The following RNGTT variants were observed in gnomAD, a reference collection of about 807,000 sequenced individuals.
RNGTT encodes the protein RNA guanylyltransferase and 5'-phosphatase.
RNGTT carries 33 observed loss-of-function variants against 79.3 expected under a neutral mutation model. The observed-to-expected ratio is 0.42, with a 90% CI of 0.32 to 0.56. RNGTT has a LOEUF of 0.56. Ranked by LOEUF, RNGTT falls within the 20% of genes least tolerant of loss-of-function variation. The pLI is 0.17. For synonymous variants in RNGTT, 222 were observed against 235.9 expected, an observed-to-expected ratio of 0.94 and a Z score of 0.54; for missense variants, 497 against 739.1, an observed-to-expected ratio of 0.67 and a Z score of 3.80.
chr6:88,878,839 A>G (rs1007105753), intron 8 of RNGTT, among the ~76,000 whole-genome samples: 4 of 152,224 alleles, frequency 2.6e-5, no homozygotes, highest in African/African-American at 9.6e-5. Context: ...AATTTGACTC[A>G]TTCTGTTCCT....
chr6:88,783,760 G>A (rs184680924), intron 12 of RNGTT, among the ~76,000 whole-genome samples: 11 of 148,486 alleles, frequency 7.4e-5, no homozygotes, highest in Admixed American at 2.0e-4. Flanking sequence ...GGGCTGTTCC[G>A]TGCAATGTAG....
intron 14 of RNGTT, among the ~76,000 whole-genome samples, chr6:88,627,779 C>G (rs57928295): frequency 5.3e-5 from 8 of 152,016 alleles, no homozygotes; most frequent in Non-Finnish European, 1.2e-4. Context: ...ACTAAAAACA[C>G]AGAACTCTTT....
At chr6:88,625,315 A>T (rs1772586525) in intron 14 of RNGTT, among the ~76,000 whole-genome samples, 1 of 151,970 alleles carries the variant, frequency 6.6e-6, no homozygotes, top group Non-Finnish European at 1.5e-5. Context: ...ACCATCCAAA[A>T]CTGGGAATAA....
chr6:88,935,906 A>G (rs1784650888), intron 2 of RNGTT, among the ~76,000 whole-genome samples: 1 of 152,104 alleles, frequency 6.6e-6, no homozygotes, highest in Admixed American at 6.6e-5. Flanking sequence ...TGATTTTTGT[A>G]TGTTGATTTC....
At chr6:88,760,635 AT>A (rs1562238444) in intron 13 of RNGTT, among the ~76,000 whole-genome samples, 1 of 152,146 alleles carries the variant, frequency 6.6e-6, no homozygotes, top group African/African-American at 2.4e-5. Context: ...TTTTATGTCT[AT>A]TTCTTTAAAA....
In RNGTT at chr6:88,616,207, T is replaced by C. The variant is rs74552348; in HGVS notation, c.1507-1812A>G. Reference sequence around the variant, plus strand: ...TTCTTTCTTTTTAAAGGTAGAATAATATTCCACTGTATGTATACACCACAT... The same window carrying C: ...TTCTTTCTTTTTAAAGGTAGAATAACATTCCACTGTATGTATACACCACAT... On this transcript the variant is annotated intron_variant, in intron 14 of 15. Transcript: ENST00000369485. 8.6e-3 allele frequency among the ~76,000 whole-genome samples: 1,306 copies of C among 152,346 alleles called. 16 individuals are homozygous for C. The highest frequency in any genetic ancestry group is 0.029 in the African/African-American group (1,225 of 41,570).
chr6:88,669,553 T>C (rs1305037006), intron 14 of RNGTT, among the ~76,000 whole-genome samples: 1 of 152,176 alleles, frequency 6.6e-6, no homozygotes, highest in Admixed American at 6.5e-5. Context: ...AGAAGAACAG[T>C]CACCTGGTGG....
rs563951360 is a variant in RNGTT, at chr6:88,642,265, A to G, written c.1507-27870T>C. Among the ~76,000 whole-genome samples the G allele has an allele frequency of 3.3e-5, 5 of 152,336 alleles. No homozygotes were observed. In the East Asian group the frequency reaches 9.6e-4, roughly 29 times the overall value. On this transcript the variant is annotated intron_variant, in intron 14 of 15. Coordinates refer to ENST00000369485, the MANE Select transcript of RNGTT (RefSeq NM_003800.5). ...CACTTTTCAAGGCAGTAACTGACTT[A>G]AGGACATTTAACAAATCCTGAGGCC...
rs960292496 is a variant in RNGTT at position 88,768,263 on chromosome 6, C to T, written c.1439+1511G>A. 2.6e-5 allele frequency among the ~76,000 whole-genome samples: 4 copies of T among 151,840 alleles called. No homozygotes were observed. The East Asian group carries it at 5.8e-4, about 22-fold the overall frequency. ...TAGCTGGAACCACAGGCATGCACCA[C>T]CATACCCGGCTAATTTTTGTTTGTT... On this transcript the variant is annotated intron_variant, in intron 13 of 15. Coordinates refer to ENST00000369485, the MANE Select transcript of RNGTT (RefSeq NM_003800.5).
At chr6:88,939,658 C>T (rs547908050) in intron 2 of RNGTT, among the ~76,000 whole-genome samples, 127 of 151,972 alleles carry the variant, frequency 8.4e-4, no homozygotes, top group African/African-American at 2.9e-3. Context: ...AATTTTTTAT[C>T]TGCTGCTGAA....
At chr6:88,794,209 T>C (rs1163491761) in intron 12 of RNGTT, among the ~76,000 whole-genome samples, 3 of 152,160 alleles carry the variant, frequency 2.0e-5, no homozygotes, top group Non-Finnish European at 4.4e-5. Context: ...CTGAAGAGAA[T>C]ATGCAGAGGA....
At chr6:88,826,842 A>G (rs1270665392) in intron 11 of RNGTT, among the ~76,000 whole-genome samples, 124 of 130,598 alleles carry the variant, frequency 9.5e-4, no homozygotes, top group Middle Eastern at 8.1e-3. Context: ...ATATATATAT[A>G]TATGTGTGTG....
At chr6:88,659,189 T>C (rs1238825711) in intron 14 of RNGTT, among the ~76,000 whole-genome samples, 1 of 152,120 alleles carries the variant, frequency 6.6e-6, no homozygotes, top group Admixed American at 6.5e-5. Flanking sequence ...AACAGTCTAC[T>C]CAAATGAGAA....
At position 88,891,918 on chromosome 6, in the gene RNGTT, T is replaced by TA. The variant is rs1441093009; in HGVS notation, c.685-4_685-3insT. ...ACACCTTCCAAGAAAATAGCGCCCT[T>TA]TAAAAAAAAAATAAGAAAAATAAGG... On this transcript the variant is annotated splice_polypyrimidine_tract_variant and splice_region_variant and intron_variant, in intron 6 of 15. Coordinates refer to ENST00000369485, the MANE Select transcript of RNGTT (RefSeq NM_003800.5). 11 of 1,533,514 alleles carry TA rather than the reference T, an allele frequency of 7.2e-6. No homozygotes were observed. Among genetic ancestry groups the TA allele is most frequent in the South Asian group, 2.6e-5 (2 of 78,222 alleles). 95.0% of individuals were successfully genotyped at this position (1,533,514 alleles called of 1,614,324 possible).
At chr6:88,645,264 G>C (rs1222168466) in intron 14 of RNGTT, among the ~76,000 whole-genome samples, 2 of 152,136 alleles carry the variant, frequency 1.3e-5, no homozygotes, top group African/African-American at 4.8e-5. Flanking sequence ...ATTGCTTCAA[G>C]AGAATAAAAT....
intron 12 of RNGTT, 94 bp downstream of exon 12, chr6:88,801,470 A>G: frequency 1.1e-6 from 1 of 884,870 alleles, no homozygotes; most frequent in Non-Finnish European, 1.8e-6. Flanking sequence ...AATAAGTTTG[A>G]GGCATACATG....
chr6:88,796,412 G>A (rs1281528274), intron 12 of RNGTT, among the ~76,000 whole-genome samples: 2 of 152,152 alleles, frequency 1.3e-5, no homozygotes, highest in Non-Finnish European at 2.9e-5. Flanking sequence ...CAGTTAAGAA[G>A]CTACTGAAAT....
At chr6:88,664,429 T>C (rs1774312696) in intron 14 of RNGTT, among the ~76,000 whole-genome samples, 1 of 152,182 alleles carries the variant, frequency 6.6e-6, no homozygotes, top group Non-Finnish European at 1.5e-5. Context: ...CAGGTATGAA[T>C]ACGTCGCCAA....
At chr6:88,794,690 G>T (rs1451475587) in intron 12 of RNGTT, among the ~76,000 whole-genome samples, 3 of 152,162 alleles carry the variant, frequency 2.0e-5, no homozygotes, top group Non-Finnish European at 4.4e-5. Context: ...AGCTTGTGAG[G>T]GGTAGCTAGA....
Sources: gnomAD v4.1 joint callset for allele counts (sites outside exome capture counted in the v4.1 genomes callset) on GRCh38, gnomAD v4.1.1 for gene constraint, MANE v1.5 for transcripts, NCBI Gene and HGNC (gene_info 2026-07-23, HGNC 2026-07-21) for gene names.